Variants in MTAP observed in about 807,000 individuals in gnomAD.
MTAP encodes the protein S-methyl-5'-thioadenosine phosphorylase.
MTAP carries 33 observed loss-of-function variants against 33.6 expected under a neutral mutation model. The ratio of observed to expected loss-of-function variants is 0.98; its 90% CI spans 0.74 to 1.31. The LOEUF (loss-of-function observed/expected upper bound fraction) is 1.31, where lower values mean the gene tolerates loss of function less well. Among genes scored for constraint, MTAP ranks in the 40% most tolerant of loss-of-function variants. The pLI is 0.00. For missense variants in MTAP, 367 were observed against 360.0 expected, an observed-to-expected ratio of 1.02 and a Z score of -0.16; for synonymous variants, 148 against 125.7, an observed-to-expected ratio of 1.18 and a Z score of -1.19.
intron 3 of MTAP, 50 bp from the exon 4 acceptor site, chr9:21,817,985 G>C (rs373396356): frequency 1.1e-5 from 16 of 1,516,548 alleles, no homozygotes; most frequent in Non-Finnish European, 1.8e-6. Context: ...GGAGAAAACA[G>C]TTGGTGGTGT....
intron 4 of MTAP, 99 bp from the exon 5 acceptor site, chr9:21,837,809 A>G: frequency 2.2e-6 from 2 of 889,446 alleles, no homozygotes; most frequent in Non-Finnish European, 3.6e-6. Context: ...GTAAAGACCC[A>G]AATATTGACC....
Position 21,866,390 on chromosome 9 carries a change from G to C in MTAP, c.*4376G>C, listed in dbSNP as rs1482148229. On this transcript the variant is annotated 3_prime_UTR_variant, in exon 8 of 8. Transcript: ENST00000644715. ...AAGTTTTTCATTTTGACGAAGCCTA[G>C]TTTATCAATTTTTTTTATGGTTGGT... 1.3e-5 allele frequency: 2 copies of C among 152,050 alleles called. No individual in the cohort carries two copies. Among genetic ancestry groups the C allele is most frequent in the Non-Finnish European group, 2.9e-5 (2 of 67,994 alleles). The allele number at this position is 152,050 out of a possible 1,614,324, so 9.4% of individuals were successfully genotyped here. A position where few individuals can be genotyped will look rare whatever the true frequency, so the allele number is the denominator to read the frequency against.
At chr9:21,854,273 T>C (rs1825583153) in intron 5 of MTAP, among the ~76,000 whole-genome samples, 1 of 152,238 alleles carries the variant, frequency 6.6e-6, no homozygotes, top group Non-Finnish European at 1.5e-5. Context: ...GGTTAAAAGT[T>C]AAGACTCCAG....
intron 1 of MTAP, among the ~76,000 whole-genome samples, chr9:21,894,944 A>G (rs531809531): frequency 3.3e-5 from 5 of 152,190 alleles, no homozygotes; most frequent in Admixed American, 6.5e-5. Flanking sequence ...CGAAAAGAAT[A>G]AAATACCTAG....
chr9:21,844,016 A>T (rs1034851994), intron 5 of MTAP, among the ~76,000 whole-genome samples: 1 of 152,182 alleles, frequency 6.6e-6, no homozygotes, highest in African/African-American at 2.4e-5. Context: ...GAAAAGATCC[A>T]AATAAGCTCA....
At chr9:21,925,661 C>G (rs939152742) in intron 1 of MTAP, among the ~76,000 whole-genome samples, 3 of 152,208 alleles carry the variant, frequency 2.0e-5, no homozygotes, top group Non-Finnish European at 4.4e-5. Flanking sequence ...CTGTCACAAA[C>G]TCAACCACTG....
chr9:21,859,467 T>G (rs1166010928), intron 7 of MTAP, 42 bp downstream of exon 7: 2 of 1,548,568 alleles, frequency 1.3e-6, no homozygotes, highest in African/African-American at 2.8e-5. Context: ...CTGTAGACTC[T>G]CTATTGTCTT....
intron 7 of MTAP, chr9:21,860,896 C>A (rs149669478): frequency 2.0e-5 from 3 of 152,228 alleles, no homozygotes; most frequent in African/African-American, 7.2e-5. Flanking sequence ...GCATGGACCA[C>A]CATGCCCAGC....
At chr9:21,887,982 A>G (rs1005399827) in intron 1 of MTAP, among the ~76,000 whole-genome samples, 7 of 152,184 alleles carry the variant, frequency 4.6e-5, no homozygotes, top group African/African-American at 9.6e-5. Context: ...TTGATATTCT[A>G]TCCTGAAACT....
At chr9:21,913,017 C>T (rs1220133517) in intron 1 of MTAP, among the ~76,000 whole-genome samples, 8 of 152,166 alleles carry the variant, frequency 5.3e-5, no homozygotes, top group Non-Finnish European at 7.3e-5. Context: ...CATGAGTGAA[C>T]TCCCATTCAC....
chr9:21,803,032 A>ACACACACC, intron 1 of MTAP: 1 of 1,009,990 alleles, frequency 9.9e-7, no homozygotes, highest in Non-Finnish European at 1.3e-6. Flanking sequence ...ACACACACAC[A>ACACACACC]CACACCACCT....
chr9:21,840,437 C>T (rs894645086), intron 5 of MTAP, among the ~76,000 whole-genome samples: 1 of 152,106 alleles, frequency 6.6e-6, no homozygotes, highest in Non-Finnish European at 1.5e-5. Flanking sequence ...AAGTGTGAGT[C>T]GGGGAGAACC....
At chr9:21,828,894 G>A (rs1386993358) in intron 4 of MTAP, among the ~76,000 whole-genome samples, 1 of 152,176 alleles carries the variant, frequency 6.6e-6, no homozygotes, top group Non-Finnish European at 1.5e-5. Flanking sequence ...CATCTTTTAA[G>A]TGCTGCTGCC....
chr9:21,854,585 G>T, intron 5 of MTAP, 46 bp from the exon 6 acceptor site: 5 of 1,504,942 alleles, frequency 3.3e-6, no homozygotes, highest in Non-Finnish European at 3.5e-6. Context: ...GCCTTAAGTT[G>T]TGCATGTGCT....
At chr9:21,895,686 C>G (rs1200312805) in intron 1 of MTAP, among the ~76,000 whole-genome samples, 2 of 152,182 alleles carry the variant, frequency 1.3e-5, no homozygotes, top group Admixed American at 1.3e-4. Flanking sequence ...TCAGAGGGTC[C>G]CACACCCACA....
At chr9:21,921,765 G>A (rs963598325) in intron 1 of MTAP, among the ~76,000 whole-genome samples, 1 of 152,118 alleles carries the variant, frequency 6.6e-6, no homozygotes, top group South Asian at 2.1e-4. Flanking sequence ...GAGCTCAGGA[G>A]TTTGAGACCA....
At chr9:21,926,271 G>A (rs986711005) in intron 1 of MTAP, among the ~76,000 whole-genome samples, 2 of 152,096 alleles carry the variant, frequency 1.3e-5, no homozygotes, top group Non-Finnish European at 2.9e-5. Flanking sequence ...TCCCCTAATT[G>A]AAAAATGTCT....
rs374642607 is a variant in MTAP at position 21,813,370 on chromosome 9, G to A, written c.34-2063G>A. 5.3e-5 allele frequency among the ~76,000 whole-genome samples: 8 copies of A among 152,296 alleles called. No individual in the cohort carries two copies. In the East Asian group the frequency reaches 1.5e-3, roughly 29 times the overall value. The stretch of plus-strand genomic sequence containing the variant: ...TAGCCACTCTTGCTTTCATGTCCAG[G>A]GCTACTACATGTTCCTTGCTGAGGG... On this transcript the variant is annotated intron_variant, in intron 1 of 7. Transcript: ENST00000644715.
intron 5 of MTAP, among the ~76,000 whole-genome samples, chr9:21,852,528 GATGTA>G (rs1283579747): frequency 7.2e-6 from 1 of 138,148 alleles, no homozygotes; most frequent in Non-Finnish European, 1.5e-5. Flanking sequence ...AAAAAAAAAT[GATGTA>G]ATGGACTTTG....
Sources: allele counts gnomAD v4.1 joint callset (sites outside exome capture counted in the v4.1 genomes callset), GRCh38; gene constraint gnomAD v4.1.1; transcripts MANE v1.5; gene names NCBI Gene and HGNC (gene_info 2026-07-23, HGNC 2026-07-21).